Variants in MACROD2 observed in about 807,000 individuals in gnomAD.
MACROD2 encodes ADP-ribose glycohydrolase MACROD2.
Under a neutral mutation model 70.4 loss-of-function variants are expected in MACROD2, and 36 were observed. That is an observed-to-expected ratio of 0.51 (90% CI 0.39 to 0.68). The LOEUF (loss-of-function observed/expected upper bound fraction) is 0.68, where lower values mean the gene tolerates loss of function less well. MACROD2 is among the 30% of genes least tolerant of loss of function. The pLI, the probability that MACROD2 is intolerant of heterozygous loss-of-function variation, is 0.00. For missense variants in MACROD2, 496 were observed against 538.4 expected, an observed-to-expected ratio of 0.92 and a Z score of 0.78; for synonymous variants, 172 against 178.8, an observed-to-expected ratio of 0.96 and a Z score of 0.30.
intron 8 of MACROD2, among the ~76,000 whole-genome samples, chr20:15,656,840 A>G (rs1031779471): frequency 2.0e-4 from 30 of 152,206 alleles, no homozygotes; most frequent in Admixed American, 6.5e-5. Flanking sequence ...CCCCAAGAAT[A>G]GATTGCACTA....
intron 15 of MACROD2, among the ~76,000 whole-genome samples, chr20:16,004,552 C>T (rs1461719312): frequency 6.6e-6 from 1 of 152,196 alleles, no homozygotes; most frequent in Non-Finnish European, 1.5e-5. Context: ...GGGCAGATGG[C>T]AGGTGAAAGG....
intron 2 of MACROD2, among the ~76,000 whole-genome samples, chr20:14,040,533 A>G (rs1445520079): frequency 2.0e-5 from 3 of 152,118 alleles, no homozygotes; most frequent in South Asian, 2.1e-4. Context: ...ACTGTACCCA[A>G]TGTATAATCT....
chr20:15,336,662 C>T (rs1468924581), intron 6 of MACROD2, among the ~76,000 whole-genome samples: 1 of 151,694 alleles, frequency 6.6e-6, no homozygotes, highest in Admixed American at 6.6e-5. Flanking sequence ...AAACCTTTAG[C>T]CCTGTGCCTT....
At chr20:14,140,313 C>T (rs768700937) in intron 3 of MACROD2, among the ~76,000 whole-genome samples, 1 of 152,188 alleles carries the variant, frequency 6.6e-6, no homozygotes, top group Admixed American at 6.5e-5. Context: ...TCACTGCTTT[C>T]ATTACACTAT....
At chr20:14,641,933 G>A (rs915810167) in intron 4 of MACROD2, among the ~76,000 whole-genome samples, 7 of 152,160 alleles carry the variant, frequency 4.6e-5, no homozygotes, top group African/African-American at 9.7e-5. Context: ...AAGAGAGTCA[G>A]CCTGTTCTCT....
chr20:15,396,146 T>C (rs559499949), intron 6 of MACROD2, among the ~76,000 whole-genome samples: 1 of 152,328 alleles, frequency 6.6e-6, no homozygotes, highest in South Asian at 2.1e-4. Flanking sequence ...AGGAAATCTT[T>C]CTGAGCAGGG....
intron 6 of MACROD2, among the ~76,000 whole-genome samples, chr20:15,281,609 C>G (rs966965937): frequency 6.6e-6 from 1 of 152,204 alleles, no homozygotes; most frequent in Non-Finnish European, 1.5e-5. Context: ...CCAGGTCATG[C>G]TGATGCAAGA....
intron 6 of MACROD2, among the ~76,000 whole-genome samples, chr20:15,407,472 T>C (rs1347965522): frequency 1.3e-5 from 2 of 152,218 alleles, no homozygotes; most frequent in Admixed American, 1.3e-4. Context: ...AAAATCCTAG[T>C]CTCAATGTCT....
chr20:14,465,583 T>A (rs933905737), intron 3 of MACROD2, among the ~76,000 whole-genome samples: 2 of 152,096 alleles, frequency 1.3e-5, no homozygotes, highest in African/African-American at 4.8e-5. Context: ...ATTATGATGT[T>A]AGCTGGTTAT....
At chr20:15,969,170 G>T (rs1485893371) in intron 13 of MACROD2, among the ~76,000 whole-genome samples, 1 of 152,118 alleles carries the variant, frequency 6.6e-6, no homozygotes, top group East Asian at 1.9e-4. Context: ...CTCACATTAG[G>T]TTAAGACCAG....
intron 8 of MACROD2, among the ~76,000 whole-genome samples, chr20:15,560,381 T>C (rs986673996): frequency 1.3e-5 from 2 of 152,140 alleles, no homozygotes; most frequent in African/African-American, 4.8e-5. Context: ...GATAAGATGA[T>C]AAAACAATTA....
At chr20:15,041,502 G>T (rs535044811) in intron 5 of MACROD2, among the ~76,000 whole-genome samples, 1 of 152,200 alleles carries the variant, frequency 6.6e-6, no homozygotes, top group East Asian at 1.9e-4. Context: ...ATGAAGTACA[G>T]TGGCATGATC....
At chr20:15,250,815 T>G (rs2077149101) in intron 6 of MACROD2, among the ~76,000 whole-genome samples, 1 of 152,204 alleles carries the variant, frequency 6.6e-6, no homozygotes, top group African/African-American at 2.4e-5. Context: ...CCTCCCCAGT[T>G]CATGAGCTCC....
chr20:15,431,464 G>A (rs747438279), intron 7 of MACROD2, 29 bp downstream of exon 7: 2 of 1,600,658 alleles, frequency 1.2e-6, no homozygotes, highest in Non-Finnish European at 1.7e-6. Flanking sequence ...GATGATGTTT[G>A]TATTTCTTTA....
intron 3 of MACROD2, among the ~76,000 whole-genome samples, chr20:14,448,315 G>T: frequency 6.6e-6 from 1 of 151,998 alleles, no homozygotes; most frequent in East Asian, 1.9e-4. Context: ...AATGTCCAGA[G>T]ATGTCATGGA....
In MACROD2 at chr20:14,116,404, G is replaced by A. The variant is rs183096808; in HGVS notation, c.271+30676G>A. Among the ~76,000 whole-genome samples the A allele has an allele frequency of 4.6e-5, 7 of 152,260 alleles. No homozygotes were observed. The East Asian group carries it at 5.8e-4, about 13-fold the overall frequency. ...TTGTTAGTACTCAAAAAGTGTTTGCGGAATTAATGAATGGTTGAGTAAGTT... is the reference window on the plus strand; with the variant it reads ...TTGTTAGTACTCAAAAAGTGTTTGCAGAATTAATGAATGGTTGAGTAAGTT... On this transcript the variant is annotated intron_variant, in intron 3 of 17. Transcript: ENST00000684519.
At chr20:14,533,147 G>GAAATTCTGT (rs1416154991) in intron 4 of MACROD2, among the ~76,000 whole-genome samples, 1 of 152,172 alleles carries the variant, frequency 6.6e-6, no homozygotes, top group African/African-American at 2.4e-5. Flanking sequence ...GGAGGATAAG[G>GAAATTCTGT]AAATTCTGTC....
intron 5 of MACROD2, among the ~76,000 whole-genome samples, chr20:15,148,911 C>T (rs1629825): frequency 0.35 from 53,116 of 151,690 alleles, 9,911 homozygotes; most frequent in East Asian, 0.64. Context: ...TGAAAAACTG[C>T]GTGGCTGTTT....
chr20:14,663,331 G>A (rs1026931353), intron 4 of MACROD2, among the ~76,000 whole-genome samples: 2 of 151,780 alleles, frequency 1.3e-5, no homozygotes, highest in African/African-American at 4.8e-5. Flanking sequence ...CTTATTGGAG[G>A]GTGGAGGGTG....
Sources: allele counts gnomAD v4.1 joint callset (sites outside exome capture counted in the v4.1 genomes callset), GRCh38; gene constraint gnomAD v4.1.1; transcripts MANE v1.5; gene names NCBI Gene and HGNC (gene_info 2026-07-23, HGNC 2026-07-21).